PAK3: variants seen among roughly 807,000 people sequenced by gnomAD.
PAK3 encodes the protein serine/threonine-protein kinase PAK 3.
PAK3 carries 4 observed loss-of-function variants against 41.0 expected under a neutral mutation model. The ratio of observed to expected loss-of-function variants is 0.10; its 90% confidence interval spans 0.05 to 0.22. PAK3 has a LOEUF of 0.22. Among genes scored for constraint, PAK3 ranks in the 10% least tolerant of loss-of-function variants. The probability of loss-of-function intolerance (pLI) is 1.00; values close to 1 mark genes in which losing one functional copy is unlikely to be tolerated. For synonymous variants in PAK3, 146 were observed against 139.6 expected (o/e 1.05, Z -0.32); for missense variants, 205 against 409.9 (o/e 0.50, Z 4.32).
chrX:110,994,628 C>G (rs2091709033), intron 1 of PAK3, among the ~76,000 whole-genome samples: 1 of 111,953 alleles, frequency 8.9e-6, no homozygotes, highest in African/African-American at 3.2e-5. Flanking sequence ...GGGTCTTCCT[C>G]CTTTCACACG....
intron 1 of PAK3, among the ~76,000 whole-genome samples, chrX:110,972,345 G>T (rs1228235257): frequency 9.0e-6 from 1 of 111,628 alleles, no homozygotes; most frequent in African/African-American, 3.3e-5. Flanking sequence ...CCCCTCTGGG[G>T]AGAAGCTTCC....
chrX:111,189,237 C>T (rs1282703753), intron 11 of PAK3, among the ~76,000 whole-genome samples: 1 of 111,894 alleles, frequency 8.9e-6, no homozygotes, highest in Non-Finnish European at 1.9e-5. Flanking sequence ...ATCTATGTTA[C>T]TGCAAAGGAC....
intron 16 of PAK3, among the ~76,000 whole-genome samples, chrX:111,199,050 G>A (rs570010688): frequency 6.3e-5 from 7 of 111,218 alleles, no homozygotes; most frequent in Admixed American, 5.7e-4. Context: ...CACCTTCCTG[G>A]TTAGCTGTAT....
intron 1 of PAK3, among the ~76,000 whole-genome samples, chrX:111,027,139 AC>A (rs993941118): frequency 1.3e-4 from 15 of 111,439 alleles, no homozygotes; most frequent in African/African-American, 4.9e-4. Context: ...TTCTCATCTC[AC>A]GCCTTGTACA....
intron 8 of PAK3, among the ~76,000 whole-genome samples, chrX:111,158,431 T>C (rs1411092569): frequency 8.9e-6 from 1 of 112,183 alleles, no homozygotes; most frequent in African/African-American, 3.2e-5. Flanking sequence ...AAATAAAATA[T>C]GCCCAGTCCC....
At chrX:110,976,932 G>T (rs1481776653) in intron 1 of PAK3, among the ~76,000 whole-genome samples, 1 of 107,135 alleles carries the variant, frequency 9.3e-6, no homozygotes, top group African/African-American at 3.4e-5. Flanking sequence ...TACAGGGAGG[G>T]GAATATCACA....
At chrX:111,078,271 G>GTTTT (rs780552414) in intron 1 of PAK3, among the ~76,000 whole-genome samples, 2 of 94,658 alleles carry the variant, frequency 2.1e-5, no homozygotes, top group Non-Finnish European at 4.3e-5. Flanking sequence ...GTTTTGTTTT[G>GTTTT]TTTTTTTTTT....
At chrX:110,968,970 T>C (rs1456625754) in intron 1 of PAK3, among the ~76,000 whole-genome samples, 7 of 110,437 alleles carry the variant, frequency 6.3e-5, no homozygotes, top group African/African-American at 2.3e-4. Flanking sequence ...ATGCTTTACA[T>C]GTAAATCTAT....
intron 1 of PAK3, among the ~76,000 whole-genome samples, chrX:111,029,679 T>A (rs1053638449): frequency 8.9e-6 from 1 of 111,966 alleles, no homozygotes; most frequent in African/African-American, 3.2e-5. Context: ...CAATCTACAG[T>A]ACATATCAAG....
In PAK3 at chrX:111,106,400, G is replaced by A. The variant is rs185612448; in HGVS notation, c.-28+3094G>A. On this transcript the variant is annotated intron_variant, in intron 4 of 17. Coordinates refer to ENST00000372007, the MANE Select transcript of PAK3 (RefSeq NM_002578.5). ...ACAACATAGACTCACACTCACAATC[G>A]CCATGCCACATTCTCACTTACATTG... Among the ~76,000 whole-genome samples the A allele has an allele frequency of 6.9e-3, 767 of 110,690 alleles. 3 individuals carry two copies. The highest frequency in any genetic ancestry group is 0.011 in the Non-Finnish European group (604 of 52,856).
chrX:111,216,722 ATTGACGTG>A (rs770808879), intron 17 of PAK3, among the ~76,000 whole-genome samples, 164 bp downstream of exon 17: 5 of 111,028 alleles, frequency 4.5e-5, no homozygotes, highest in Admixed American at 1.9e-4. Context: ...TACATGATTG[ATTGACGTG>A]TTGCCTTTCT....
At chrX:111,109,418 G>T (rs1323446120) in intron 4 of PAK3, among the ~76,000 whole-genome samples, 1 of 111,707 alleles carries the variant, frequency 9.0e-6, no homozygotes, top group Non-Finnish European at 1.9e-5. Context: ...CTTTATTTCT[G>T]CCTAGCCACA....
At chrX:111,176,578 A>C (rs1217726302) in intron 11 of PAK3, among the ~76,000 whole-genome samples, 2 of 111,867 alleles carry the variant, frequency 1.8e-5, no homozygotes, top group Non-Finnish European at 3.8e-5. Context: ...ATGTGTATAT[A>C]CATGCCTATC....
chrX:111,099,438 G>A (rs1476413624), intron 3 of PAK3, among the ~76,000 whole-genome samples: 1 of 110,961 alleles, frequency 9.0e-6, no homozygotes, highest in East Asian at 2.9e-4. Context: ...ACATAATGGG[G>A]AGATGGACCT....
At chrX:111,156,637 C>A (rs1052620326) in intron 8 of PAK3, among the ~76,000 whole-genome samples, 2 of 111,740 alleles carry the variant, frequency 1.8e-5, no homozygotes, top group Non-Finnish European at 3.8e-5. Context: ...GTAGACATAG[C>A]CTGAATTGAT....
intron 9 of PAK3, 73 bp from the exon 10 acceptor site, chrX:111,163,489 T>C (rs2094215466): frequency 1.6e-5 from 12 of 739,733 alleles, no homozygotes; most frequent in Non-Finnish European, 2.3e-5. Flanking sequence ...AATTCATTGA[T>C]ATTACAATAC....
rs907053036 is a variant in PAK3 at position 111,152,301 on chromosome X, T to A, written c.431-109T>A. On this transcript the variant is annotated intron_variant, in intron 7 of 17. Transcript: ENST00000372007. ...CTAGTTAATACTAAATTGGAGCATT[T>A]CCTTCTAGTTGAAATCATGCAGTTT... 9 of 552,200 alleles carry A rather than the reference T, an allele frequency of 1.6e-5. No individual in the cohort carries two copies. The African/African-American group carries it at 2.1e-4, about 13-fold the overall frequency. 45.5% of individuals were successfully genotyped at this position (552,200 alleles called of 1,213,427 possible). A position where few individuals can be genotyped will look rare whatever the true frequency, so the allele number is the denominator to read the frequency against.
intron 17 of PAK3, among the ~76,000 whole-genome samples, chrX:111,219,888 A>T (rs960379450): frequency 9.0e-6 from 1 of 110,849 alleles, no homozygotes; most frequent in Non-Finnish European, 1.9e-5. Flanking sequence ...CAAAAAAAAT[A>T]AATTAAAAAA....
chrX:111,164,097 A>ACAGTCAAT lies in PAK3; in HGVS notation c.766+373_766+380dup, dbSNP rs377142037. Among the ~76,000 whole-genome samples, 781 of 111,682 alleles carry ACAGTCAAT rather than the reference A, an allele frequency of 7.0e-3. 9 individuals are homozygous for ACAGTCAAT. The highest frequency in any genetic ancestry group is 0.024 in the African/African-American group (741 of 30,741). ...AGATATGTCAACCTCAAAGCCCAAC[A>ACAGTCAAT]CAGTCAATCAAAACTTGGAACAACA... On this transcript the variant is annotated intron_variant, in intron 10 of 17. Coordinates refer to ENST00000372007, the MANE Select transcript of PAK3 (RefSeq NM_002578.5).
Sources: allele counts gnomAD v4.1 joint callset (sites outside exome capture counted in the v4.1 genomes callset), GRCh38; gene constraint gnomAD v4.1.1; transcripts MANE v1.5; gene names NCBI Gene and HGNC (gene_info 2026-07-23, HGNC 2026-07-21).